Variants in CALN1 observed in about 807,000 individuals in gnomAD.
CALN1 encodes calcium-binding protein 8.
A neutral mutation model predicts 30.6 loss-of-function variants in CALN1; 17 were observed. The ratio of observed to expected loss-of-function variants is 0.56; its 90% CI spans 0.38 to 0.83. CALN1 has a LOEUF of 0.83. Ranked by LOEUF, CALN1 falls within the 40% of genes least tolerant of loss-of-function variation. CALN1 has a pLI of 0.00. For synonymous variants in CALN1, 156 were observed against 131.4 expected (o/e 1.19, Z -1.28); for missense variants, 291 against 354.9 (o/e 0.82, Z 1.45).
At chr7:72,289,268 T>C (rs1367351761) in intron 2 of CALN1, among the ~76,000 whole-genome samples, 1 of 152,196 alleles carries the variant, frequency 6.6e-6, no homozygotes, top group African/African-American at 2.4e-5. Context: ...AGATGTACGT[T>C]GGACCTCTTT....
At chr7:72,018,582 G>A (rs541623496) in intron 5 of CALN1, among the ~76,000 whole-genome samples, 49 of 152,286 alleles carry the variant, frequency 3.2e-4, no homozygotes, top group African/African-American at 1.0e-3. Context: ...AGGGCTGAGC[G>A]TATGCCGGGA....
At chr7:72,013,202 GC>G (rs1328330807) in intron 5 of CALN1, among the ~76,000 whole-genome samples, 7 of 147,972 alleles carry the variant, frequency 4.7e-5, no homozygotes, top group Non-Finnish European at 1.0e-4. Context: ...TTTTGTTTTT[GC>G]CCCTGAAAAC....
chr7:72,361,723 G>GAAGTAAAAAGAAC (rs1162133752), intron 2 of CALN1, among the ~76,000 whole-genome samples: 2 of 152,152 alleles, frequency 1.3e-5, no homozygotes, highest in East Asian at 3.8e-4. Flanking sequence ...CAAGGAGAAA[G>GAAGTAAAAAGAAC]AAGTAAAAAG....
intron 5 of CALN1, among the ~76,000 whole-genome samples, chr7:71,862,692 A>G (rs1167754312): frequency 1.3e-5 from 2 of 152,224 alleles, no homozygotes; most frequent in East Asian, 1.9e-4. Flanking sequence ...AGATTCATGC[A>G]ATCTTGATAA....
At chr7:71,998,131 T>G (rs543323273) in intron 5 of CALN1, among the ~76,000 whole-genome samples, 1 of 152,204 alleles carries the variant, frequency 6.6e-6, no homozygotes, top group Admixed American at 6.5e-5. Context: ...AGCCCATCTA[T>G]GAATTTTACA....
At chr7:71,853,562 T>C (rs1052411457) in intron 5 of CALN1, among the ~76,000 whole-genome samples, 2 of 151,470 alleles carry the variant, frequency 1.3e-5, no homozygotes, top group African/African-American at 4.8e-5. Context: ...TGAAATCTTC[T>C]GTCATTCTGA....
intron 2 of CALN1, among the ~76,000 whole-genome samples, chr7:72,319,110 C>T (rs1236882024): frequency 6.6e-6 from 1 of 152,126 alleles, no homozygotes; most frequent in Non-Finnish European, 1.5e-5. Context: ...CTATTTGCAA[C>T]AGCAAAGATA....
chr7:72,207,329 T>C (rs532549473), intron 3 of CALN1, among the ~76,000 whole-genome samples: 1 of 152,312 alleles, frequency 6.6e-6, no homozygotes, highest in South Asian at 2.1e-4. Context: ...AAATGACTTC[T>C]TGTTTTTCAA....
chr7:72,076,917 T>C (rs1443618354), intron 4 of CALN1, among the ~76,000 whole-genome samples: 1 of 152,210 alleles, frequency 6.6e-6, no homozygotes, highest in African/African-American at 2.4e-5. Context: ...TTTATTTGTT[T>C]TGTTTTTTAT....
chr7:71,969,948 C>G (rs546581385), intron 5 of CALN1, among the ~76,000 whole-genome samples: 3 of 151,956 alleles, frequency 2.0e-5, no homozygotes, highest in African/African-American at 7.3e-5. Flanking sequence ...CCTCAGCCTT[C>G]CAAGTAGCTG....
the CALN1 span, among the ~76,000 whole-genome samples, chr7:72,464,057 G>GAGAA: frequency 2.9e-4 from 42 of 146,592 alleles, no homozygotes; most frequent in South Asian, 1.1e-3. Context: ...AAAGAAGAAA[G>GAGAA]AGAAAGAAAG....
chr7:71,936,823 A>G (rs575381021), intron 5 of CALN1, among the ~76,000 whole-genome samples: 1 of 152,172 alleles, frequency 6.6e-6, no homozygotes, highest in African/African-American at 2.4e-5. Context: ...GACAATTTGA[A>G]CCATGGAGGC....
rs181404502 is a variant in CALN1 at position 72,101,828 on chromosome 7, C to T, written c.388+4323G>A. 2.0e-4 allele frequency among the ~76,000 whole-genome samples: 31 copies of T among 152,230 alleles called. 1 individual carries two copies. The East Asian group carries it at 2.5e-3, about 12-fold the overall frequency. The stretch of plus-strand genomic sequence containing the variant: ...GTATATCTAATGCTCAACCTGGGCA[C>T]GCCAAAAGCCCAGTCCTCTCGTGCC... On this transcript the variant is annotated intron_variant, in intron 4 of 6. Coordinates refer to ENST00000395275, the MANE Select transcript of CALN1 (RefSeq NM_031468.4).
intron 5 of CALN1, among the ~76,000 whole-genome samples, chr7:71,970,670 T>C (rs1300197129): frequency 6.6e-6 from 1 of 151,594 alleles, no homozygotes; most frequent in Non-Finnish European, 1.5e-5. Flanking sequence ...GAAGTTAAAG[T>C]GATTTCCCAC....
chr7:72,410,015 T>A (rs1379580063), intron 1 of CALN1, among the ~76,000 whole-genome samples: 1 of 152,184 alleles, frequency 6.6e-6, no homozygotes, highest in East Asian at 1.9e-4. Context: ...AAGAATTTAT[T>A]TTTGTTATAA....
At chr7:72,481,022 G>A in the CALN1 span, among the ~76,000 whole-genome samples, 33 of 152,054 alleles carry the variant, frequency 2.2e-4, no homozygotes, top group South Asian at 5.2e-3. Flanking sequence ...GTGCGATCTC[G>A]GCTCCCTGTG....
chr7:72,237,109 C>G (rs1273463773), intron 3 of CALN1, among the ~76,000 whole-genome samples: 1 of 151,840 alleles, frequency 6.6e-6, no homozygotes, highest in African/African-American at 2.4e-5. Flanking sequence ...CTCAGCCTCC[C>G]GAGTAGCTGA....
At chr7:72,134,454 G>C (rs1809368745) in intron 3 of CALN1, among the ~76,000 whole-genome samples, 2 of 152,162 alleles carry the variant, frequency 1.3e-5, no homozygotes, top group Admixed American at 1.3e-4. Flanking sequence ...TTGCAGGTTT[G>C]GTTCTGGACT....
At chr7:72,120,102 C>T (rs927019588) in intron 3 of CALN1, among the ~76,000 whole-genome samples, 3 of 151,986 alleles carry the variant, frequency 2.0e-5, no homozygotes, top group Non-Finnish European at 2.9e-5. Context: ...CAGCCCTTGA[C>T]CCCCAGTAGT....
Sources: gnomAD v4.1 joint callset for allele counts (sites outside exome capture counted in the v4.1 genomes callset) on GRCh38, gnomAD v4.1.1 for gene constraint, MANE v1.5 for transcripts, NCBI Gene and HGNC (gene_info 2026-07-23, HGNC 2026-07-21) for gene names.